The following TMTC2 variants were observed in gnomAD, a reference collection of about 807,000 sequenced individuals.
The protein encoded by TMTC2 is transmembrane O-mannosyltransferase targeting cadherins 2, also known as protein O-mannosyl-transferase TMTC2.
Under a neutral mutation model 82.4 loss-of-function variants are expected in TMTC2, and 43 were observed. The observed-to-expected ratio is 0.52, with a 90% CI of 0.41 to 0.67. TMTC2 has a LOEUF of 0.67. TMTC2 is among the 30% of genes least tolerant of loss of function. The pLI, the probability that TMTC2 is intolerant of heterozygous loss-of-function variation, is 0.00. For missense variants in TMTC2, 919 were observed against 1,012.4 expected (o/e 0.91, Z 1.25); for synonymous variants, 408 against 381.9 (o/e 1.07, Z -0.80).
intron 3 of TMTC2, among the ~76,000 whole-genome samples, chr12:82,898,920 G>A (rs771178450): frequency 1.1e-4 from 17 of 152,190 alleles, no homozygotes; most frequent in South Asian, 6.2e-4. Context: ...GTCAGAATAA[G>A]TGAAAACGTT....
intron 8 of TMTC2, among the ~76,000 whole-genome samples, chr12:82,996,246 T>A (rs1414754293): frequency 6.6e-6 from 1 of 152,206 alleles, no homozygotes; most frequent in East Asian, 1.9e-4. Flanking sequence ...ATAGTTTTCC[T>A]CAAATGTGAA....
chr12:82,919,381 C>G (rs931986535), intron 3 of TMTC2, among the ~76,000 whole-genome samples: 4 of 152,216 alleles, frequency 2.6e-5, no homozygotes, highest in South Asian at 4.1e-4. Flanking sequence ...GCTGAGTTTT[C>G]AGGGCACATG....
intron 10 of TMTC2, among the ~76,000 whole-genome samples, chr12:83,052,960 C>T (rs1882409402): frequency 1.3e-5 from 2 of 152,116 alleles, no homozygotes; most frequent in Non-Finnish European, 2.9e-5. Flanking sequence ...TCCTACTCAA[C>T]TGGATGGCAG....
chr12:82,801,479 C>G (rs968324108), intron 1 of TMTC2, among the ~76,000 whole-genome samples: 1 of 152,146 alleles, frequency 6.6e-6, no homozygotes, highest in Non-Finnish European at 1.5e-5. Context: ...ATTCTTTTAT[C>G]TGGCCCCACC....
At chr12:82,973,408 A>G (rs530512080) in intron 7 of TMTC2, among the ~76,000 whole-genome samples, 34 of 152,302 alleles carry the variant, frequency 2.2e-4, no homozygotes, top group African/African-American at 8.2e-4. Flanking sequence ...AAGGCAAAAT[A>G]TAGACTTGAG....
intron 2 of TMTC2, among the ~76,000 whole-genome samples, chr12:82,864,603 G>A (rs1199922267): frequency 4.7e-5 from 7 of 147,752 alleles, no homozygotes; most frequent in Non-Finnish European, 1.0e-4. Flanking sequence ...CCGGGTTCCA[G>A]CGATTCACCT....
At chr12:82,910,313 G>A (rs1193697494) in intron 3 of TMTC2, among the ~76,000 whole-genome samples, 1 of 152,202 alleles carries the variant, frequency 6.6e-6, no homozygotes, top group African/African-American at 2.4e-5. Flanking sequence ...CCCCCTCACA[G>A]CGCGTGTGAA....
At chr12:82,912,965 G>A (rs1010347692) in intron 3 of TMTC2, among the ~76,000 whole-genome samples, 2 of 150,158 alleles carry the variant, frequency 1.3e-5, no homozygotes, top group African/African-American at 4.9e-5. Flanking sequence ...AGAATGGGTG[G>A]TAATATTCAT....
chr12:82,818,068 T>TA (rs1240361631), intron 1 of TMTC2, among the ~76,000 whole-genome samples: 2 of 152,160 alleles, frequency 1.3e-5, no homozygotes, highest in African/African-American at 4.8e-5. Flanking sequence ...CCCTGTATCT[T>TA]ATCATTTAGT....
intron 1 of TMTC2, among the ~76,000 whole-genome samples, chr12:82,811,714 G>A (rs979893354): frequency 6.8e-6 from 1 of 147,212 alleles, no homozygotes; most frequent in Non-Finnish European, 1.5e-5. Flanking sequence ...ACTATGAAAA[G>A]TATTTTTTAA....
chr12:82,825,349 G>A (rs11115448), intron 1 of TMTC2, among the ~76,000 whole-genome samples: 28,981 of 152,134 alleles, frequency 0.19, 5,469 homozygotes, highest in African/African-American at 0.49. Context: ...TTATTTTCCT[G>A]CTGAACATGA....
intron 8 of TMTC2, among the ~76,000 whole-genome samples, chr12:82,992,488 G>A (rs1879443902): frequency 6.6e-6 from 1 of 152,134 alleles, no homozygotes; most frequent in South Asian, 2.1e-4. Flanking sequence ...ATGAAAAAGT[G>A]AAGACATAAT....
At chr12:82,756,955 C>T (rs1018955880) in intron 1 of TMTC2, among the ~76,000 whole-genome samples, 4 of 152,134 alleles carry the variant, frequency 2.6e-5, no homozygotes, top group African/African-American at 9.7e-5. Flanking sequence ...CTTAGAAGTA[C>T]TTAAACCTCT....
chr12:82,802,377 G>C (rs1033456666), intron 1 of TMTC2, among the ~76,000 whole-genome samples: 30 of 152,172 alleles, frequency 2.0e-4, no homozygotes, highest in African/African-American at 7.2e-4. Context: ...GCTTTGGCCA[G>C]CCCGGAAAGG....
chr12:82,899,604 G>T (rs1182464351), intron 3 of TMTC2, among the ~76,000 whole-genome samples: 2 of 125,476 alleles, frequency 1.6e-5, no homozygotes, highest in Non-Finnish European at 3.4e-5. Context: ...TATATATGTG[G>T]AATATATATA....
In TMTC2 at chr12:82,730,165, C is replaced by T. The variant is rs564497452; in HGVS notation, c.83+42496C>T. On this transcript the variant is annotated intron_variant, in intron 1 of 11. Transcript: ENST00000321196. ...CCTACCAATCCCAGACACACTGGCA[C>T]GTGCCTGGAGTCCCAGCTATTCAGG... Among the ~76,000 whole-genome samples the T allele has an allele frequency of 4.6e-5, 7 of 152,070 alleles. No individual in the cohort carries two copies. In the South Asian group the frequency reaches 1.0e-3, roughly 23 times the overall value.
chr12:83,040,916 C>T (rs1454893711), intron 9 of TMTC2, among the ~76,000 whole-genome samples: 1 of 151,984 alleles, frequency 6.6e-6, no homozygotes, highest in African/African-American at 2.4e-5. Context: ...GATCTCTTGA[C>T]CTCGTGATCT....
chr12:83,058,402 C>T (rs1019759614), intron 10 of TMTC2, among the ~76,000 whole-genome samples: 2 of 151,820 alleles, frequency 1.3e-5, no homozygotes, highest in African/African-American at 4.8e-5. Flanking sequence ...CTTCCTAGTC[C>T]AGTTCACAAA....
intron 11 of TMTC2, among the ~76,000 whole-genome samples, chr12:83,083,421 A>G (rs77451765): frequency 0.014 from 2,182 of 152,240 alleles, 48 homozygotes; most frequent in African/African-American, 0.048. Context: ...GAGACTTTGC[A>G]TCCCCAGCAC....
Sources: gnomAD v4.1 joint callset for allele counts (sites outside exome capture counted in the v4.1 genomes callset) on GRCh38, gnomAD v4.1.1 for gene constraint, MANE v1.5 for transcripts, NCBI Gene and HGNC (gene_info 2026-07-23, HGNC 2026-07-21) for gene names.